ARHGAP12: variants seen among roughly 807,000 people sequenced by gnomAD.
ARHGAP12 encodes Rho GTPase activating protein 12.
A neutral mutation model predicts 108.6 loss-of-function variants in ARHGAP12; 64 were observed. The ratio of observed to expected loss-of-function variants is 0.59; its 90% CI spans 0.48 to 0.73. The LOEUF (loss-of-function observed/expected upper bound fraction) is 0.73, where lower values mean the gene tolerates loss of function less well. Among genes scored for constraint, ARHGAP12 ranks in the 30% least tolerant of loss-of-function variants. The pLI is 0.00. For missense variants in ARHGAP12, 940 were observed against 1,005.9 expected (o/e 0.93, Z 0.89); for synonymous variants, 312 against 337.2 (o/e 0.93, Z 0.82).
intron 10 of ARHGAP12, among the ~76,000 whole-genome samples, chr10:31,827,418 G>A (rs1484149917): frequency 6.6e-6 from 1 of 152,158 alleles, no homozygotes; most frequent in South Asian, 2.1e-4. Flanking sequence ...CAGTTGCTAG[G>A]AAGATAAATG....
chr10:31,872,869 AATTCT>A (rs2132339759), intron 3 of ARHGAP12, among the ~76,000 whole-genome samples: 1 of 152,196 alleles, frequency 6.6e-6, no homozygotes, highest in East Asian at 1.9e-4. Flanking sequence ...TACTACTCAT[AATTCT>A]ATTATTAATG....
intron 12 of ARHGAP12, 130 bp downstream of exon 12, chr10:31,820,257 C>T (rs1835356003): frequency 1.4e-5 from 8 of 590,858 alleles, no homozygotes; most frequent in Middle Eastern, 4.7e-4. Context: ...AATTACAATA[C>T]CATCTAACTT....
At chr10:31,917,282 C>A (rs1340070763) in intron 1 of ARHGAP12, among the ~76,000 whole-genome samples, 1 of 152,034 alleles carries the variant, frequency 6.6e-6, no homozygotes. Flanking sequence ...GTAGCACGTG[C>A]CTGTAATCCC....
intron 6 of ARHGAP12, among the ~76,000 whole-genome samples, chr10:31,845,792 T>C (rs947863179): frequency 2.6e-4 from 40 of 152,074 alleles, no homozygotes; most frequent in African/African-American, 9.2e-4. Context: ...CTCAAAAAAA[T>C]AAAGAAAGAA....
At chr10:31,847,536 T>G (rs908838408) in intron 6 of ARHGAP12, among the ~76,000 whole-genome samples, 1 of 152,232 alleles carries the variant, frequency 6.6e-6, no homozygotes, top group Non-Finnish European at 1.5e-5. Context: ...GTTGTTTTCA[T>G]GCATAGGCCA....
chr10:31,869,445 G>T (rs1480078232), intron 3 of ARHGAP12, among the ~76,000 whole-genome samples: 1 of 152,086 alleles, frequency 6.6e-6, no homozygotes, highest in African/African-American at 2.4e-5. Flanking sequence ...GCTGAGGCAG[G>T]AGAATTGCGT....
intron 6 of ARHGAP12, among the ~76,000 whole-genome samples, chr10:31,848,338 C>G (rs1477095161): frequency 6.6e-6 from 1 of 152,168 alleles, no homozygotes; most frequent in East Asian, 1.9e-4. Flanking sequence ...GAAGACCCAG[C>G]AAAATTTGTT....
chr10:31,925,536 C>A (rs1166463969), intron 1 of ARHGAP12, among the ~76,000 whole-genome samples: 1 of 152,198 alleles, frequency 6.6e-6, no homozygotes, highest in African/African-American at 2.4e-5. Context: ...CCTTAGTATT[C>A]TCCTAATGTC....
intron 1 of ARHGAP12, among the ~76,000 whole-genome samples, chr10:31,915,742 A>G (rs1383256290): frequency 6.6e-5 from 10 of 152,224 alleles, no homozygotes; most frequent in African/African-American, 2.2e-4. Context: ...TGTGCTGAGA[A>G]TGTGGAAATG....
Position 31,874,973 on chromosome 10 carries a change from C to CAAAAAAAA in ARHGAP12, c.685-13323_685-13316dup, listed in dbSNP as rs59050160. On this transcript the variant is annotated intron_variant, in intron 3 of 19. Transcript: ENST00000344936. ...TGGGTGACAACGCAAGACTCTGTCT[C>CAAAAAAAA]AAAAAAAAAAAAAAAAAAAAAAAAA... is the stretch of plus-strand genomic sequence containing the variant. 3.1e-4 allele frequency among the ~76,000 whole-genome samples: 18 copies of CAAAAAAAA among 58,328 alleles called. 1 individual carries two copies. Among genetic ancestry groups the CAAAAAAAA allele is most frequent in the Middle Eastern group, 0.014 (1 of 70 alleles). The allele number at this position is 58,328 out of a possible 152,430, so 38.3% of individuals were successfully genotyped here. A position where few individuals can be genotyped will look rare whatever the true frequency, so the allele number is the denominator to read the frequency against.
chr10:31,816,628 T>C (rs1469338175), intron 13 of ARHGAP12, among the ~76,000 whole-genome samples: 1 of 152,178 alleles, frequency 6.6e-6, no homozygotes, highest in Non-Finnish European at 1.5e-5. Flanking sequence ...AAAAGACAGA[T>C]TGGGCCTACA....
intron 7 of ARHGAP12, among the ~76,000 whole-genome samples, chr10:31,842,438 C>A (rs955777940): frequency 1.3e-5 from 2 of 152,060 alleles, no homozygotes; most frequent in African/African-American, 4.8e-5. Flanking sequence ...ATATTCAACA[C>A]AAGATCCTTA....
chr10:31,808,547 C>A, intron 19 of ARHGAP12, 102 bp downstream of exon 19: 1 of 951,728 alleles, frequency 1.1e-6, no homozygotes, highest in Non-Finnish European at 1.6e-6. Context: ...CAGCAAGTAG[C>A]ATAGCTGGGA....
In ARHGAP12 at chr10:31,928,174, G is replaced by GCACA. The variant is rs60633813; in HGVS notation, c.-111+505_-111+508dup. On this transcript the variant is annotated intron_variant, in intron 1 of 19. Coordinates refer to ENST00000344936, the MANE Select transcript of ARHGAP12 (RefSeq NM_018287.7). The stretch of plus-strand genomic sequence containing the variant: ...GGGAGGGGCCGGGCCGGCCTTTTGC[G>GCACA]CACACACACACACACACACACACAC... Among the ~76,000 whole-genome samples, 491 of 149,398 alleles carry GCACA rather than the reference G, an allele frequency of 3.3e-3. 3 individuals are homozygous for GCACA. The highest frequency in any genetic ancestry group is 0.01 in the African/African-American group (419 of 40,680).
At position 31,814,281 on chromosome 10, in the gene ARHGAP12, T is replaced by C. The variant is rs766199259; in HGVS notation, c.1812A>G (p.Gln604=). Residue 604 remains glutamine, a synonymous_variant, in exon 14 of 20, where the codon CAA becomes CAG. Transcript: ENST00000344936. ...TACAACGAAGCTTTTTGGGATCCTTTTGTTCCTTTTCTTTATCATGCTTTT... is the reference window on the plus strand; with the variant it reads ...TACAACGAAGCTTTTTGGGATCCTTCTGTTCCTTTTCTTTATCATGCTTTT... ...GIEKHDKEKE[Q]KDPKKLRSFK... 6.8e-6 allele frequency: 11 copies of C among 1,613,892 alleles called. No individual in the cohort carries two copies. The Admixed American group carries it at 1.8e-4, about 27-fold the overall frequency.
intron 3 of ARHGAP12, among the ~76,000 whole-genome samples, chr10:31,870,088 A>ATGTT (rs1165870945): frequency 6.6e-6 from 1 of 152,154 alleles, no homozygotes; most frequent in East Asian, 1.9e-4. Flanking sequence ...TTTACCACAA[A>ATGTT]TGTTTGGTAG....
intron 1 of ARHGAP12, among the ~76,000 whole-genome samples, chr10:31,912,256 G>A (rs1437604342): frequency 6.6e-6 from 1 of 152,178 alleles, no homozygotes; most frequent in Admixed American, 6.5e-5. Context: ...ACAGAGATGA[G>A]CGAGGGAATA....
intron 4 of ARHGAP12, among the ~76,000 whole-genome samples, chr10:31,859,831 G>A (rs980128105): frequency 9.0e-5 from 13 of 145,150 alleles, no homozygotes; most frequent in Non-Finnish European, 1.5e-4. Flanking sequence ...GTCTCACTCT[G>A]TTGCCCAGAC....
chr10:31,905,198 A>C (rs1839079699), intron 3 of ARHGAP12, among the ~76,000 whole-genome samples: 1 of 152,150 alleles, frequency 6.6e-6, no homozygotes, highest in Admixed American at 6.5e-5. Context: ...TAAATTTGGC[A>C]ACTGATTATT....
Sources: gnomAD v4.1 joint callset for allele counts (sites outside exome capture counted in the v4.1 genomes callset) on GRCh38, gnomAD v4.1.1 for gene constraint, MANE v1.5 for transcripts, NCBI Gene and HGNC (gene_info 2026-07-23, HGNC 2026-07-21) for gene names.